VKORC1L1: variants seen among roughly 807,000 people sequenced by gnomAD.
The protein encoded by VKORC1L1 is vitamin K epoxide reductase complex subunit 1-like protein 1.
VKORC1L1 carries 2 observed loss-of-function variants against 18.9 expected under a neutral mutation model. The observed-to-expected ratio is 0.11, with a 90% confidence interval of 0.04 to 0.33. The LOEUF (loss-of-function observed/expected upper bound fraction) is 0.33. VKORC1L1 is among the 10% of genes least tolerant of loss of function. VKORC1L1 has a pLI of 1.00. For missense variants in VKORC1L1, 123 were observed against 224.1 expected (o/e 0.55, Z 2.88); for synonymous variants, 96 against 100.0 (o/e 0.96, Z 0.24).
chr7:65,941,675 T>A (rs1242923985), intron 1 of VKORC1L1, among the ~76,000 whole-genome samples: 2 of 32,748 alleles, frequency 6.1e-5, no homozygotes, highest in East Asian at 5.6e-3. Context: ...TTCTTAAGGT[T>A]TTTTTTTTTT....
intron 1 of VKORC1L1, among the ~76,000 whole-genome samples, chr7:65,906,778 A>T (rs951881428): frequency 6.6e-6 from 1 of 152,180 alleles, no homozygotes; most frequent in African/African-American, 2.4e-5. Flanking sequence ...GGTTGACTTG[A>T]CGTTTTCCAC....
rs191058730 is a variant in VKORC1L1, at chr7:65,899,720, C to T, written c.194+26155C>T. 1.2e-3 allele frequency among the ~76,000 whole-genome samples: 179 copies of T among 152,250 alleles called. 1 individual carries two copies. Among genetic ancestry groups the T allele is most frequent in the Non-Finnish European group, 1.9e-3 (129 of 68,024 alleles). ...TGGGGACTTAAAAAATAGCTTCATA[C>T]CAGACGTGGTGGCTCACGCCTGTAA... On this transcript the variant is annotated intron_variant, in intron 1 of 2. Transcript: ENST00000360768.
rs560403066 is a variant in VKORC1L1, at chr7:65,946,970, T to TA, written c.195-1694dup. 1.1e-4 allele frequency among the ~76,000 whole-genome samples: 17 copies of TA among 148,144 alleles called. No individual in the cohort carries two copies. In the South Asian group the frequency reaches 2.0e-3, roughly 17 times the overall value. On this transcript the variant is annotated intron_variant, in intron 1 of 2. Coordinates refer to ENST00000360768, the MANE Select transcript of VKORC1L1 (RefSeq NM_173517.6). Reference sequence around the variant, plus strand: ...GGCACATGGCAAAGCTGCAACTCTATAAAAAAATACCAAAAAAAAAATATA... The same window carrying TA: ...GGCACATGGCAAAGCTGCAACTCTATAAAAAAAATACCAAAAAAAAAATATA...
intron 1 of VKORC1L1, among the ~76,000 whole-genome samples, chr7:65,939,516 T>C (rs919400396): frequency 6.6e-6 from 1 of 152,206 alleles, no homozygotes; most frequent in Non-Finnish European, 1.5e-5. Context: ...CAGTCAGTCT[T>C]CAAATTTTGG....
intron 1 of VKORC1L1, among the ~76,000 whole-genome samples, chr7:65,919,529 T>C (rs75954976): frequency 0.016 from 2,418 of 152,240 alleles, 49 homozygotes; most frequent in East Asian, 0.088. Context: ...TGTGTCATCT[T>C]AGACCATTTT....
At chr7:65,941,598 G>T (rs962627416) in intron 1 of VKORC1L1, among the ~76,000 whole-genome samples, 2 of 151,752 alleles carry the variant, frequency 1.3e-5, no homozygotes, top group Non-Finnish European at 2.9e-5. Context: ...TATTCTGGGG[G>T]AGGAAGGGTA....
intron 1 of VKORC1L1, among the ~76,000 whole-genome samples, chr7:65,911,582 TTTTGTTTG>T (rs532746532): frequency 5.9e-5 from 9 of 152,034 alleles, no homozygotes; most frequent in South Asian, 2.1e-4. Context: ...TGTATAAAAG[TTTTGTTTG>T]TTTGTTTGTT....
intron 1 of VKORC1L1, among the ~76,000 whole-genome samples, chr7:65,936,106 G>A (rs1352837845): frequency 6.7e-6 from 1 of 149,602 alleles, no homozygotes; most frequent in Non-Finnish European, 1.5e-5. Context: ...TTTAATTTCA[G>A]ATCTTATATT....
At chr7:65,887,938 G>T (rs375627556) in intron 1 of VKORC1L1, among the ~76,000 whole-genome samples, 1 of 152,112 alleles carries the variant, frequency 6.6e-6, no homozygotes, top group Non-Finnish European at 1.5e-5. Context: ...TTATCACTTA[G>T]TGATAGTGGG....
At chr7:65,891,136 T>C (rs1013209817) in intron 1 of VKORC1L1, among the ~76,000 whole-genome samples, 12 of 146,284 alleles carry the variant, frequency 8.2e-5, no homozygotes, top group Non-Finnish European at 1.7e-4. Flanking sequence ...TCCAACTTGG[T>C]GGTGGTATGA....
At chr7:65,872,977 C>T (rs1298865012), upstream of VKORC1L1, among the ~76,000 whole-genome samples, 7 of 144,862 alleles carry the variant, frequency 4.8e-5, no homozygotes, top group Non-Finnish European at 3.1e-5. Context: ...CCTCCCCACC[C>T]CTGCCCCGCC....
intron 1 of VKORC1L1, among the ~76,000 whole-genome samples, chr7:65,889,931 C>T: frequency 1.3e-5 from 2 of 151,586 alleles, no homozygotes; most frequent in Non-Finnish European, 2.9e-5. Flanking sequence ...GAATATAACA[C>T]AATTGATATA....
At chr7:65,915,626 G>T (rs975409007) in intron 1 of VKORC1L1, among the ~76,000 whole-genome samples, 2 of 129,456 alleles carry the variant, frequency 1.5e-5, no homozygotes, top group Non-Finnish European at 3.4e-5. Context: ...GTTTATTAAA[G>T]AAACCAGTTT....
At chr7:65,906,972 A>G (rs1018623714) in intron 1 of VKORC1L1, among the ~76,000 whole-genome samples, 3 of 152,186 alleles carry the variant, frequency 2.0e-5, no homozygotes, top group African/African-American at 7.2e-5. Flanking sequence ...TACAGCCCCT[A>G]TACAAGGGTG....
chr7:65,876,896 GT>G (rs768370287), intron 1 of VKORC1L1, among the ~76,000 whole-genome samples: 1 of 152,138 alleles, frequency 6.6e-6, no homozygotes, highest in Non-Finnish European at 1.5e-5. Context: ...AAATACAAAC[GT>G]TAACCGGGCA....
At chr7:65,925,325 C>G (rs148367555) in intron 1 of VKORC1L1, among the ~76,000 whole-genome samples, 12 of 152,308 alleles carry the variant, frequency 7.9e-5, no homozygotes, top group Non-Finnish European at 1.5e-4. Flanking sequence ...GTTGTCAGAT[C>G]CTGTCAGTCT....
intron 1 of VKORC1L1, 94 bp downstream of exon 1, chr7:65,873,659 G>C: frequency 7.9e-7 from 1 of 1,273,250 alleles, no homozygotes; most frequent in African/African-American, 1.6e-5. Flanking sequence ...CAGGCCTGGG[G>C]GCGGCGGGGA....
At chr7:65,881,339 G>A (rs1428026894) in intron 1 of VKORC1L1, among the ~76,000 whole-genome samples, 2 of 152,194 alleles carry the variant, frequency 1.3e-5, no homozygotes, top group Admixed American at 1.3e-4. Flanking sequence ...CAACTGATTT[G>A]TCTGCCAGGT....
intron 1 of VKORC1L1, among the ~76,000 whole-genome samples, chr7:65,895,111 A>C (rs1789169909): frequency 6.6e-6 from 1 of 152,184 alleles, no homozygotes; most frequent in African/African-American, 2.4e-5. Context: ...TTCTAAAGTT[A>C]AGATACGCCT....
Sources: allele counts gnomAD v4.1 joint callset (sites outside exome capture counted in the v4.1 genomes callset), GRCh38; gene constraint gnomAD v4.1.1; transcripts MANE v1.5; gene names NCBI Gene and HGNC (gene_info 2026-07-23, HGNC 2026-07-21).